The following TUSC3 variants were observed in gnomAD, a reference collection of about 807,000 sequenced individuals.
TUSC3 encodes the protein dolichyl-diphosphooligosaccharide--protein glycosyltransferase subunit TUSC3.
In TUSC3, 45 loss-of-function variants were observed where a neutral mutation model predicts 44.8. That is an observed-to-expected ratio of 1.00 (90% CI 0.79 to 1.29). TUSC3 has a LOEUF of 1.29. Among genes scored for constraint, TUSC3 ranks in the 50% most tolerant of loss-of-function variants. The pLI, the probability that TUSC3 is intolerant of heterozygous loss-of-function variation, is 0.00. For synonymous variants in TUSC3, 212 were observed against 152.9 expected (o/e 1.39, Z -2.85); for missense variants, 519 against 437.9 (o/e 1.19, Z -1.65).
the TUSC3 span, among the ~76,000 whole-genome samples, chr8:15,797,103 G>A: frequency 4.6e-5 from 7 of 152,328 alleles, no homozygotes; most frequent in African/African-American, 1.7e-4. Flanking sequence ...AATGGAGGCA[G>A]CTTCTCTTTA....
intron 1 of TUSC3, among the ~76,000 whole-genome samples, chr8:15,590,860 G>A (rs1179583720): frequency 6.6e-6 from 1 of 151,962 alleles, no homozygotes; most frequent in Non-Finnish European, 1.5e-5. Flanking sequence ...TTTTTGAGGA[G>A]ACGGAGTTTT....
the TUSC3 span, among the ~76,000 whole-genome samples, chr8:15,788,546 C>CAAAAAA: frequency 0.021 from 1,591 of 75,270 alleles, 40 homozygotes; most frequent in African/African-American, 0.075. Flanking sequence ...GACTCTATCT[C>CAAAAAA]AAAAAAAAAA....
the TUSC3 span, among the ~76,000 whole-genome samples, chr8:15,819,542 C>G: frequency 6.6e-6 from 1 of 152,308 alleles, no homozygotes; most frequent in South Asian, 2.1e-4. Context: ...GTCCCCCTGA[C>G]TTCTCACAAT....
chr8:15,465,196 C>G (rs1800398781), intron 1 of TUSC3, among the ~76,000 whole-genome samples: 1 of 152,174 alleles, frequency 6.6e-6, no homozygotes, highest in Non-Finnish European at 1.5e-5. Flanking sequence ...AAGAAATTTT[C>G]CATTGCCAAA....
chr8:15,688,866 T>C (rs373644162), intron 6 of TUSC3: 1 of 156,702 alleles, frequency 6.4e-6, no homozygotes, highest in African/African-American at 2.4e-5. Flanking sequence ...TTTCACTAGG[T>C]AGGATTAAGA....
intron 2 of TUSC3, among the ~76,000 whole-genome samples, chr8:15,639,370 T>C (rs1244695362): frequency 6.6e-6 from 1 of 152,226 alleles, no homozygotes; most frequent in Non-Finnish European, 1.5e-5. Context: ...TGGGATTTTA[T>C]TGAATGAAAT....
intron 1 of TUSC3, among the ~76,000 whole-genome samples, chr8:15,556,924 G>C (rs1351471120): frequency 6.7e-6 from 1 of 149,380 alleles, no homozygotes; most frequent in Non-Finnish European, 1.5e-5. Context: ...AGATGAGTAG[G>C]TTGTGAAAAT....
chr8:15,741,372 A>G (rs1051940834), intron 7 of TUSC3, among the ~76,000 whole-genome samples: 4 of 152,170 alleles, frequency 2.6e-5, no homozygotes, highest in Non-Finnish European at 4.4e-5. Context: ...TTTAATGTCT[A>G]CATAAATTCA....
chr8:15,545,686 C>A (rs999173860), intron 1 of TUSC3, among the ~76,000 whole-genome samples: 1 of 151,692 alleles, frequency 6.6e-6, no homozygotes, highest in African/African-American at 2.4e-5. Flanking sequence ...TATATGTGCC[C>A]TCTTCCACAC....
At chr8:15,655,804 A>G (rs1807137065) in intron 3 of TUSC3, among the ~76,000 whole-genome samples, 1 of 152,178 alleles carries the variant, frequency 6.6e-6, no homozygotes, top group African/African-American at 2.4e-5. Context: ...AATAGTTCTT[A>G]TTACTATTAC....
At chr8:15,462,540 T>C (rs1261959750) in intron 1 of TUSC3, among the ~76,000 whole-genome samples, 3 of 152,084 alleles carry the variant, frequency 2.0e-5, no homozygotes, top group Non-Finnish European at 4.4e-5. Context: ...CCCTACGATA[T>C]TAAATTCATT....
At chr8:15,573,757 C>A (rs1161245771) in intron 1 of TUSC3, among the ~76,000 whole-genome samples, 1 of 152,088 alleles carries the variant, frequency 6.6e-6, no homozygotes, top group African/African-American at 2.4e-5. Context: ...CTCAGGGAAG[C>A]CCTGCTTCTG....
chr8:15,474,530 C>G (rs1800548984), intron 1 of TUSC3, among the ~76,000 whole-genome samples: 1 of 152,052 alleles, frequency 6.6e-6, no homozygotes, highest in Admixed American at 6.6e-5. Context: ...AGATTGCTGA[C>G]ACAGTAATTA....
intron 1 of TUSC3, among the ~76,000 whole-genome samples, chr8:15,441,656 C>T (rs28437229): frequency 0.012 from 1,886 of 152,194 alleles, 40 homozygotes; most frequent in African/African-American, 0.043. Context: ...TTAATAAGCA[C>T]GTCTACCAAC....
At chr8:15,707,390 G>GTC (rs1585252070) in intron 6 of TUSC3, among the ~76,000 whole-genome samples, 1 of 151,922 alleles carries the variant, frequency 6.6e-6, no homozygotes. Flanking sequence ...AGAGAAGAAT[G>GTC]TCTAAGTTTT....
chr8:15,538,814 T>C (rs141183448), upstream of TUSC3, among the ~76,000 whole-genome samples: 4 of 151,878 alleles, frequency 2.6e-5, no homozygotes, highest in African/African-American at 7.2e-5. Context: ...ATTATACGTA[T>C]ATATTCCTTA....
rs35310787 is a variant in TUSC3, at chr8:15,629,736, TAA to T, written c.308+6499_308+6500del. ...TGAGACTTGCCTTTTTTCTTTTCTT[TAA>T]AAAAAAAAAAAGCGAAATTTTCTTC... On this transcript the variant is annotated intron_variant, in intron 2 of 10. Transcript: ENST00000503731. Among the ~76,000 whole-genome samples the T allele has an allele frequency of 8.1e-3, 1,173 of 144,424 alleles. 14 individuals are homozygous for T. The highest frequency in any genetic ancestry group is 0.026 in the African/African-American group (1,013 of 39,558). 94.7% of individuals were successfully genotyped at this position (144,424 alleles called of 152,430 possible). A position where few individuals can be genotyped will look rare whatever the true frequency, so the allele number is the denominator to read the frequency against.
chr8:15,541,018 T>C (rs1342533502), intron 1 of TUSC3, among the ~76,000 whole-genome samples: 5 of 152,252 alleles, frequency 3.3e-5, no homozygotes, highest in Non-Finnish European at 7.3e-5. Context: ...TAAGTTACAC[T>C]GTATGTTTAT....
intron 2 of TUSC3, among the ~76,000 whole-genome samples, chr8:15,516,742 C>T (rs545743044): frequency 6.6e-6 from 1 of 152,218 alleles, no homozygotes; most frequent in Non-Finnish European, 1.5e-5. Context: ...TCATTTACTA[C>T]TCCTGTAATG....
Sources: gnomAD v4.1 joint callset for allele counts (sites outside exome capture counted in the v4.1 genomes callset) on GRCh38, gnomAD v4.1.1 for gene constraint, MANE v1.5 for transcripts, NCBI Gene and HGNC (gene_info 2026-07-23, HGNC 2026-07-21) for gene names.